Variants in RRM1 observed in about 807,000 individuals in gnomAD.
RRM1 encodes the protein ribonucleoside-diphosphate reductase large subunit.
A neutral mutation model predicts 101.5 loss-of-function variants in RRM1; 19 were observed. The ratio of observed to expected loss-of-function variants is 0.19; its 90% CI spans 0.13 to 0.27. The LOEUF (loss-of-function observed/expected upper bound fraction) is 0.27. RRM1 is among the 10% of genes least tolerant of loss of function. RRM1 has a pLI of 1.00. For synonymous variants in RRM1, 298 were observed against 323.4 expected (o/e 0.92, Z 0.84); for missense variants, 500 against 962.9 (o/e 0.52, Z 6.36).
chr11:4,133,086 CAAT>C (rs1231436647), intron 16 of RRM1, among the ~76,000 whole-genome samples: 1 of 151,994 alleles, frequency 6.6e-6, no homozygotes, highest in Non-Finnish European at 1.5e-5. Context: ...GTATAATTGA[CAAT>C]AAAAATTGTG....
intron 15 of RRM1, among the ~76,000 whole-genome samples, chr11:4,130,476 A>C (rs2094598265): frequency 6.6e-6 from 1 of 152,100 alleles, no homozygotes; most frequent in South Asian, 2.1e-4. Flanking sequence ...TGGGTGGATC[A>C]CTTGAGGTCA....
chr11:4,118,492 G>T, intron 8 of RRM1, 31 bp downstream of exon 8: 1 of 1,612,296 alleles, frequency 6.2e-7, no homozygotes, highest in Non-Finnish European at 8.5e-7. Context: ...TTTTAAAGGG[G>T]GATTCAAGTC....
At chr11:4,102,730 T>C (rs2094553305) in intron 2 of RRM1, among the ~76,000 whole-genome samples, 1 of 152,024 alleles carries the variant, frequency 6.6e-6, no homozygotes, top group Non-Finnish European at 1.5e-5. Flanking sequence ...TGGTTTAAAA[T>C]TTGTTTTTTG....
intron 12 of RRM1, among the ~76,000 whole-genome samples, chr11:4,125,246 C>T (rs1023219187): frequency 2.6e-5 from 4 of 152,044 alleles, no homozygotes; most frequent in Non-Finnish European, 5.9e-5. Flanking sequence ...GATAATGAAA[C>T]CCTTTATCCA....
intron 7 of RRM1, among the ~76,000 whole-genome samples, chr11:4,117,116 G>GTATA (rs1028502995): frequency 6.6e-6 from 1 of 152,086 alleles, no homozygotes; most frequent in Non-Finnish European, 1.5e-5. Flanking sequence ...TGAAAATTAT[G>GTATA]TATATATATA....
rs758434062 is a variant in RRM1, at chr11:4,118,465, G to A, written c.792+4G>A. On this transcript the variant is annotated splice_donor_region_variant and intron_variant, in intron 8 of 18. Transcript: ENST00000300738. ...TACTGGCAGCTACATTGCTGGGGTA[G>A]GTTTCTGCCATTTGACTTTTAAAGG... 23 of 1,613,628 alleles carry A rather than the reference G, an allele frequency of 1.4e-5. No individual in the cohort carries two copies. Among genetic ancestry groups the A allele is most frequent in the African/African-American group, 2.7e-5 (2 of 74,900 alleles).
At position 4,121,501 on chromosome 11, in the gene RRM1, TGTA is replaced by T. The variant is rs201356651; in HGVS notation, c.877-100_877-98del. 1.8e-3 allele frequency: 1,197 copies of T among 659,020 alleles called. 10 individuals are homozygous for T. The African/African-American group carries it at 0.02, about 11-fold the overall frequency. The allele number at this position is 659,020 out of a possible 1,614,324, so 40.8% of individuals were successfully genotyped here. A position where few individuals can be genotyped will look rare whatever the true frequency, so the allele number is the denominator to read the frequency against. On this transcript the variant is annotated intron_variant, in intron 9 of 18. Coordinates refer to ENST00000300738, the MANE Select transcript of RRM1 (RefSeq NM_001033.5). ...CTTTTATTTATGTTATTTAATTCAT[TGTA>T]GTGAAAATCAAAGGAGATACTATAA...
Position 4,111,613 on chromosome 11 carries a change from T to C in RRM1, c.460T>C (p.Ser154Pro). 1 of 1,604,604 alleles carries C rather than the reference T, an allele frequency of 6.2e-7. No individual in the cohort carries two copies. Among genetic ancestry groups the C allele is most frequent in the Non-Finnish European group, 8.5e-7 (1 of 1,175,492 alleles). Residue 154 changes from serine to proline, a missense_variant, in exon 6 of 19, where the codon TCT becomes CCT. Ser to Pro is a moderately conservative substitution (Grantham distance 74). Coordinates refer to ENST00000300738, the MANE Select transcript of RRM1 (RefSeq NM_001033.5). ...TCTCTCTTTCTAGACGCTAGAGCGG[T>C]CTTATTTGTTGAAGATCAATGGAAA... ...NYFGFKTLERSYLLKINGKVA... is the reference protein window; with the variant it reads ...NYFGFKTLERPYLLKINGKVA...
At chr11:4,135,026 T>C in intron 17 of RRM1, 56 bp from the exon 18 acceptor site, 1 of 1,335,086 alleles carries the variant, frequency 7.5e-7, no homozygotes, top group South Asian at 1.4e-5. Flanking sequence ...ATTCTATTAA[T>C]CATACACTGC....
rs142954034 is a variant in RRM1, at chr11:4,131,752, T to G, written c.1770-534T>G. ...GAACTTATAATTGAAGAATATACTTTGAGCATAATTTCTTCCTCTTTACAG... is the reference window on the plus strand; with the variant it reads ...GAACTTATAATTGAAGAATATACTTGGAGCATAATTTCTTCCTCTTTACAG... On this transcript the variant is annotated intron_variant, in intron 15 of 18. Transcript: ENST00000300738. 2.4e-3 allele frequency among the ~76,000 whole-genome samples: 361 copies of G among 152,338 alleles called. 1 individual carries two copies. The highest frequency in any genetic ancestry group is 8.1e-3 in the African/African-American group (336 of 41,584).
rs1198590901 is a variant in RRM1 at position 4,129,118 on chromosome 11, G to T, written c.1737G>T (p.Trp579Cys). The change falls in exon 15 of 19, where the codon TGG becomes TGT. Residue 579 changes from tryptophan (W) to cysteine (C), a missense_variant. By Grantham distance (215) the Trp-to-Cys change is radical. Around this residue, in one of 9 missense-constraint regions of RRM1, gnomAD observed 106 missense variants for 138.1 expected, o/e 0.77. Coordinates refer to ENST00000300738, the MANE Select transcript of RRM1 (RefSeq NM_001033.5). ...GGAATGTTACTCCTACAGACCTATG[G>T]GACTGGAAGGTTCTCAAGGAGAAGA... Reference protein sequence around the residue: ...DMWNVTPTDLWDWKVLKEKIA... With the variant: ...DMWNVTPTDLCDWKVLKEKIA... 6.2e-7 allele frequency: 1 copy of T among 1,605,998 alleles called. No individual in the cohort carries two copies. Among genetic ancestry groups the T allele is most frequent in the East Asian group, 2.2e-5 (1 of 44,718 alleles).
intron 15 of RRM1, among the ~76,000 whole-genome samples, chr11:4,130,605 A>G (rs1306365108): frequency 6.6e-6 from 1 of 152,170 alleles, no homozygotes; most frequent in Non-Finnish European, 1.5e-5. Flanking sequence ...CTGAGACATG[A>G]GAATCACTTG....
At chr11:4,136,093 T>A (rs2133326815) in intron 18 of RRM1, among the ~76,000 whole-genome samples, 1 of 152,180 alleles carries the variant, frequency 6.6e-6, no homozygotes, top group Middle Eastern at 3.4e-3. Context: ...TAAGCCTGTT[T>A]TAGGAGTGAA....
chr11:4,130,926 A>C (rs908098331), intron 15 of RRM1, among the ~76,000 whole-genome samples: 2 of 152,184 alleles, frequency 1.3e-5, no homozygotes, highest in Middle Eastern at 3.2e-3. Flanking sequence ...GGTTTGCTTG[A>C]TACCTCACTA....
Position 4,132,054 on chromosome 11 carries a change from C to A in RRM1, c.1770-232C>A, listed in dbSNP as rs2094601447. On this transcript the variant is annotated intron_variant, in intron 15 of 18. Coordinates refer to ENST00000300738, the MANE Select transcript of RRM1 (RefSeq NM_001033.5). This position sits in a 1 kb window ranked among gnomAD's most constrained non-coding sequence, Gnocchi z 4.1. ...GCCAACAATAAAAATTGTACTAATT[C>A]AGTTTAGGAGTCAGGCATTTAAGAG... Among the ~76,000 whole-genome samples the A allele has an allele frequency of 6.6e-6, 1 of 152,150 alleles. No individual in the cohort carries two copies. The highest frequency in any genetic ancestry group is 2.1e-4 in the South Asian group (1 of 4,822).
intron 3 of RRM1, 156 bp downstream of exon 3, chr11:4,106,379 G>T (rs55680570): frequency 1.6e-6 from 1 of 641,898 alleles, no homozygotes; most frequent in South Asian, 1.9e-5. Context: ...CAGGCAAATC[G>T]CTTGAGTCCA....
chr11:4,136,755 T>TTC (rs1255650584), intron 18 of RRM1, among the ~76,000 whole-genome samples: 23 of 150,192 alleles, frequency 1.5e-4, no homozygotes, highest in African/African-American at 4.8e-4. Flanking sequence ...TGTTTGTTTG[T>TTC]TTTTTCTTTT....
At chr11:4,109,188 G>A (rs1324975419) in intron 4 of RRM1, among the ~76,000 whole-genome samples, 6 of 151,608 alleles carry the variant, frequency 4.0e-5, no homozygotes, top group Admixed American at 3.9e-4. Context: ...GTTATATACA[G>A]TTTGAAGTAG....
At position 4,132,384 on chromosome 11, in the gene RRM1, A is replaced by G. The variant is rs2094601968; in HGVS notation, c.1868A>G (p.Asn623Ser). The part of the protein sequence containing the change: ...NNESIEPYTS[N>S]IYTRRVLSGE... ...GAGTCCATTGAACCTTACACCAGCA[A>G]CATCTATACTCGCAGAGTCTTGTCA... Residue 623 changes from asparagine to serine, a missense_variant, in exon 16 of 19, where the codon AAC (asparagine) becomes AGC (serine). Around this residue, in one of 9 missense-constraint regions of RRM1, gnomAD observed 79 missense variants for 176.4 expected, o/e 0.45. Coordinates refer to ENST00000300738, the MANE Select transcript of RRM1 (RefSeq NM_001033.5). The surrounding 1 kb of genome is among the most constrained non-coding windows in gnomAD (Gnocchi z 4.1). 1 of 1,614,012 alleles carries G rather than the reference A, an allele frequency of 6.2e-7. No individual in the cohort carries two copies. The highest frequency in any genetic ancestry group is 1.1e-5 in the South Asian group (1 of 91,090).
Sources: gnomAD v4.1 joint callset for allele counts (sites outside exome capture counted in the v4.1 genomes callset) on GRCh38, gnomAD v4.1.1 for gene constraint, gnomAD v4.1.1 regional missense constraint, Gnocchi (gnomAD v3.1) non-coding constraint, MANE v1.5 for transcripts, NCBI Gene and HGNC (gene_info 2026-07-23, HGNC 2026-07-21) for gene names.